The following TRPM8 variants were observed in gnomAD, a reference collection of about 807,000 sequenced individuals.
The protein encoded by TRPM8 is TRPM8 cationic channel.
A neutral mutation model predicts 133.7 loss-of-function variants in TRPM8; 110 were observed. The observed-to-expected ratio is 0.82, with a 90% CI of 0.70 to 0.96. TRPM8 has a LOEUF of 0.96. TRPM8 is among the 40% of genes least tolerant of loss of function. The pLI is 0.00. For synonymous variants in TRPM8, 535 were observed against 532.3 expected, an observed-to-expected ratio of 1.01 and a Z score of -0.07; for missense variants, 1,291 against 1,379.5, an observed-to-expected ratio of 0.94 and a Z score of 1.02.
At chr2:233,944,405 A>G (rs1690992398) in intron 6 of TRPM8, among the ~76,000 whole-genome samples, 1 of 152,216 alleles carries the variant, frequency 6.6e-6, no homozygotes, top group Admixed American at 6.5e-5. Flanking sequence ...CAGACTCACA[A>G]AAAACCTTGA....
At chr2:233,998,409 G>A (rs1242000692) in intron 22 of TRPM8, among the ~76,000 whole-genome samples, 2 of 152,198 alleles carry the variant, frequency 1.3e-5, no homozygotes, top group South Asian at 2.1e-4. Flanking sequence ...TGACCATCTC[G>A]TTGTAGTTTG....
intron 17 of TRPM8, among the ~76,000 whole-genome samples, chr2:233,971,953 G>A (rs1691734073): frequency 2.0e-5 from 3 of 152,138 alleles, no homozygotes; most frequent in African/African-American, 7.2e-5. Context: ...TTGACAGGGC[G>A]CTGATTGGTG....
chr2:233,971,801 T>C (rs1203021269), intron 17 of TRPM8, among the ~76,000 whole-genome samples: 1 of 152,132 alleles, frequency 6.6e-6, no homozygotes, highest in Non-Finnish European at 1.5e-5. Flanking sequence ...GCAAGATTTA[T>C]TGCATAGAGC....
chr2:234,008,975 G>A (rs1487191237), intron 24 of TRPM8, among the ~76,000 whole-genome samples: 5 of 152,196 alleles, frequency 3.3e-5, no homozygotes, highest in Non-Finnish European at 7.3e-5. Flanking sequence ...TCTAGAGAAC[G>A]ATGGGTTGTT....
chr2:233,924,442 T>C (rs1691471877), intron 1 of TRPM8, among the ~76,000 whole-genome samples: 1 of 152,194 alleles, frequency 6.6e-6, no homozygotes, highest in African/African-American at 2.4e-5. Flanking sequence ...ACCTCAGGCC[T>C]TAAGTTCCTT....
chr2:233,961,027 A>G lies in TRPM8; in HGVS notation c.1614A>G (p.Glu538=). The part of the protein sequence containing the change: ...VANFRRGFRK[E]DRNGRDEMDI... ...ACTTCCGAAGAGGCTTCCGGAAGGA[A>G]GACAGAAATGGCCGGGACGAGATGG... is the stretch of plus-strand genomic sequence containing the variant. The change falls in exon 12 of 26, where the codon GAA becomes GAG. Residue 538 remains glutamate, a synonymous_variant. Coordinates refer to ENST00000324695, the MANE Select transcript of TRPM8 (RefSeq NM_024080.5). 6.2e-7 allele frequency: 1 copy of G among 1,614,190 alleles called. No individual in the cohort carries two copies. The highest frequency in any genetic ancestry group is 2.2e-5 in the East Asian group (1 of 44,882).
At chr2:233,965,348 T>G (rs188462737) in intron 14 of TRPM8, among the ~76,000 whole-genome samples, 83 of 152,252 alleles carry the variant, frequency 5.5e-4, no homozygotes, top group African/African-American at 1.9e-3. Context: ...CAGCTGAGAT[T>G]ACTTATTGCC....
intron 17 of TRPM8, among the ~76,000 whole-genome samples, chr2:233,974,911 A>G (rs896962960): frequency 1.3e-5 from 2 of 151,998 alleles, no homozygotes; most frequent in Admixed American, 6.6e-5. Context: ...GGCAGAGGAG[A>G]GAAATGTGGA....
At chr2:233,988,498 T>C (rs1224315665) in intron 21 of TRPM8, among the ~76,000 whole-genome samples, 3 of 152,118 alleles carry the variant, frequency 2.0e-5, no homozygotes, top group African/African-American at 7.2e-5. Flanking sequence ...ATGAAAAAAA[T>C]GGGTTCTTAC....
chr2:233,926,303 G>T (rs1691513428), intron 1 of TRPM8, among the ~76,000 whole-genome samples: 1 of 152,202 alleles, frequency 6.6e-6, no homozygotes, highest in Admixed American at 6.5e-5. Flanking sequence ...TGACTCAGGG[G>T]TGAGGGGCCA....
At position 233,969,762 on chromosome 2, in the gene TRPM8, G is replaced by A; in HGVS notation, c.2093G>A (p.Cys698Tyr). The A allele has an allele frequency of 6.2e-7, 1 of 1,614,018 alleles. No individual in the cohort carries two copies. The highest frequency in any genetic ancestry group is 8.5e-7 in the Non-Finnish European group (1 of 1,179,880). Residue 698 changes from cysteine (C) to tyrosine (Y), a missense_variant, in exon 16 of 26, where the codon TGT becomes TAT. By Grantham distance (194) the Cys-to-Tyr change is radical. Coordinates refer to ENST00000324695, the MANE Select transcript of TRPM8 (RefSeq NM_024080.5). Reference protein sequence around the residue: ...RDTKNWKIILCLFIIPLVGCG... With the variant: ...RDTKNWKIILYLFIIPLVGCG... ...ACCAAGAACTGGAAGATTATCCTGT[G>A]TCTGTTTATTATACCCTTGGTGGGC...
rs893962270 is a variant in TRPM8 at position 233,970,152 on chromosome 2, G to C, written c.2139-58G>C. Reference sequence around the variant, plus strand: ...TTATCTATGTTTGGAAGGAGGGGAGGGCTGTGCCCGTCCCATGCTTGCAAG... The same window carrying C: ...TTATCTATGTTTGGAAGGAGGGGAGCGCTGTGCCCGTCCCATGCTTGCAAG... On this transcript the variant is annotated intron_variant, in intron 16 of 25. Coordinates refer to ENST00000324695, the MANE Select transcript of TRPM8 (RefSeq NM_024080.5). 198 of 1,451,848 alleles carry C rather than the reference G, an allele frequency of 1.4e-4. No individual in the cohort carries two copies. The African/African-American group carries it at 2.4e-3, about 17-fold the overall frequency. The allele number at this position is 1,451,848 out of a possible 1,614,324, so 89.9% of individuals were successfully genotyped here.
chr2:234,002,065 G>A (rs1022214446), intron 22 of TRPM8, among the ~76,000 whole-genome samples: 1 of 152,050 alleles, frequency 6.6e-6, no homozygotes, highest in Non-Finnish European at 1.5e-5. Flanking sequence ...AATGTGCAGG[G>A]GGTTGTGATG....
intron 9 of TRPM8, among the ~76,000 whole-genome samples, chr2:233,952,619 G>A (rs768259086): frequency 4.0e-4 from 61 of 151,952 alleles, no homozygotes; most frequent in Middle Eastern, 3.4e-3. Flanking sequence ...AGCCCCGTTT[G>A]GTCTTGTTCA....
chr2:233,960,330 A>G (rs1312481949), intron 11 of TRPM8, among the ~76,000 whole-genome samples: 1 of 152,194 alleles, frequency 6.6e-6, no homozygotes, highest in Non-Finnish European at 1.5e-5. Context: ...GCGTAGAGAC[A>G]GCACTGGTGG....
At chr2:233,955,077 C>A in intron 10 of TRPM8, 55 bp from the exon 11 acceptor site, 1 of 1,348,850 alleles carries the variant, frequency 7.4e-7, no homozygotes. Context: ...CTGAATGGTT[C>A]TCACTCTTAT....
At position 233,964,764 on chromosome 2, in the gene TRPM8, C is replaced by A; in HGVS notation, c.1879+7C>A. On this transcript the variant is annotated splice_region_variant and intron_variant, in intron 14 of 25. Coordinates refer to ENST00000324695, the MANE Select transcript of TRPM8 (RefSeq NM_024080.5). ...TACGAGACCCGGGCTGTTGGTGAGTCCACAGTGTGGAATGCTGTGGTGGGC... is the reference window on the plus strand; with the variant it reads ...TACGAGACCCGGGCTGTTGGTGAGTACACAGTGTGGAATGCTGTGGTGGGC... 1.2e-6 allele frequency: 2 copies of A among 1,608,048 alleles called. No homozygotes were observed. Among genetic ancestry groups the A allele is most frequent in the Non-Finnish European group, 1.7e-6 (2 of 1,175,848 alleles).
chr2:233,967,047 G>A (rs559771225), intron 15 of TRPM8, among the ~76,000 whole-genome samples: 5 of 152,116 alleles, frequency 3.3e-5, no homozygotes, highest in East Asian at 1.9e-4. Flanking sequence ...GTCTCCATCC[G>A]CTGTACCCCT....
chr2:233,924,232 A>G (rs189655152), intron 1 of TRPM8, among the ~76,000 whole-genome samples: 49 of 152,278 alleles, frequency 3.2e-4, no homozygotes, highest in Non-Finnish European at 7.4e-5. Flanking sequence ...CCCTTTGCCC[A>G]TTGTTTCCAG....
Sources: gnomAD v4.1 joint callset for allele counts (sites outside exome capture counted in the v4.1 genomes callset) on GRCh38, gnomAD v4.1.1 for gene constraint, MANE v1.5 for transcripts, NCBI Gene and HGNC (gene_info 2026-07-23, HGNC 2026-07-21) for gene names.